Variants in DOCK2 observed in about 807,000 individuals in gnomAD.
The protein encoded by DOCK2 is dedicator of cytokinesis 2, also known as dedicator of cytokinesis protein 2.
A neutral mutation model predicts 248.9 loss-of-function variants in DOCK2; 87 were observed. The observed-to-expected ratio is 0.35, with a 90% CI of 0.29 to 0.42. The LOEUF is 0.42. DOCK2 is among the 10% of genes least tolerant of loss of function. The pLI, the probability that DOCK2 is intolerant of heterozygous loss-of-function variation, is 1.00. For synonymous variants in DOCK2, 805 were observed against 821.6 expected (o/e 0.98, Z 0.35); for missense variants, 1,747 against 2,300.2 (o/e 0.76, Z 4.92).
At chr5:169,869,539 A>C (rs1227030397) in intron 27 of DOCK2, among the ~76,000 whole-genome samples, 1 of 152,130 alleles carries the variant, frequency 6.6e-6, no homozygotes, top group Non-Finnish European at 1.5e-5. Flanking sequence ...GAGGGAGTAT[A>C]TTTTGCTTTG....
At chr5:170,026,288 A>G (rs1043681230) in intron 33 of DOCK2, among the ~76,000 whole-genome samples, 11 of 152,094 alleles carry the variant, frequency 7.2e-5, no homozygotes, top group Admixed American at 7.2e-4. Context: ...CCATTCATCT[A>G]AGACTTTAGA....
chr5:169,693,298 T>C (rs1236684850), intron 9 of DOCK2, among the ~76,000 whole-genome samples: 1 of 151,952 alleles, frequency 6.6e-6, no homozygotes, highest in African/African-American at 2.4e-5. Flanking sequence ...GAAGTGAGCA[T>C]TGTGTGTTTA....
chr5:169,737,359 C>T (rs1055385558), intron 22 of DOCK2, among the ~76,000 whole-genome samples: 4 of 152,116 alleles, frequency 2.6e-5, no homozygotes, highest in South Asian at 4.1e-4. Context: ...TCTTGAAGAA[C>T]CTTGAGTGTC....
rs553847707 is a variant in DOCK2 at position 169,775,914 on chromosome 5, G to T, written c.2554+14289G>T. ...CCTGATATGCTTCCTTGCTAAGGGG[G>T]GCCTTGGACCACACCGAGACCTCTG... is the stretch of plus-strand genomic sequence containing the variant. On this transcript the variant is annotated intron_variant, in intron 25 of 51. Transcript: ENST00000520908. Among the ~76,000 whole-genome samples, 6 of 151,154 alleles carry T rather than the reference G, an allele frequency of 4.0e-5. No homozygotes were observed. In the South Asian group the frequency reaches 1.1e-3, roughly 26 times the overall value.
At chr5:169,878,237 C>A (rs1353057878) in intron 27 of DOCK2, among the ~76,000 whole-genome samples, 1 of 152,170 alleles carries the variant, frequency 6.6e-6, no homozygotes, top group African/African-American at 2.4e-5. Flanking sequence ...TTCCTTAGGG[C>A]ACCATTTCCC....
At position 170,056,759 on chromosome 5, in the gene DOCK2, T is replaced by C. The variant is rs1757145716; in HGVS notation, c.4371T>C (p.Asn1457=). The change falls in exon 43 of 52, where the codon AAT becomes AAC. Residue 1457 remains asparagine (N), a synonymous_variant. Coordinates refer to ENST00000520908, the MANE Select transcript of DOCK2 (RefSeq NM_004946.3). ...PVRRGTVDPE[N]EFASMWIERT... ...GCAGGGGGACCGTAGACCCAGAGAA[T>C]GAGTTTGCTGTGAGTATCTTCCCTA... The C allele has an allele frequency of 5.0e-6, 8 of 1,613,562 alleles. No individual in the cohort carries two copies. Among genetic ancestry groups the C allele is most frequent in the African/African-American group, 1.3e-5 (1 of 74,868 alleles).
At chr5:169,669,050 T>C (rs1271202021) in intron 2 of DOCK2, among the ~76,000 whole-genome samples, 1 of 152,116 alleles carries the variant, frequency 6.6e-6, no homozygotes, top group Admixed American at 6.6e-5. Flanking sequence ...GGGCTCCTGA[T>C]TTTTCAAAAT....
chr5:169,991,620 G>A (rs1331623385), intron 29 of DOCK2, among the ~76,000 whole-genome samples: 8 of 152,356 alleles, frequency 5.3e-5, no homozygotes, highest in East Asian at 1.9e-4. Flanking sequence ...TTTGAGTCAC[G>A]TGTTGGCTCT....
At chr5:169,870,303 C>T (rs150584001) in intron 27 of DOCK2, among the ~76,000 whole-genome samples, 2 of 152,278 alleles carry the variant, frequency 1.3e-5, no homozygotes, top group East Asian at 3.9e-4. Context: ...CGCTGAAAAG[C>T]AGAAAGATGT....
intron 25 of DOCK2, among the ~76,000 whole-genome samples, chr5:169,765,760 G>GA (rs1764746895): frequency 6.6e-6 from 1 of 152,084 alleles, no homozygotes; most frequent in African/African-American, 2.4e-5. Flanking sequence ...CAGAGATTTG[G>GA]AAGCTCTTTC....
chr5:170,037,778 G>A (rs549345788), intron 36 of DOCK2, among the ~76,000 whole-genome samples: 16 of 152,260 alleles, frequency 1.1e-4, no homozygotes, highest in Admixed American at 3.9e-4. Flanking sequence ...GAGCCACTGC[G>A]TCCGGCCACA....
intron 40 of DOCK2, among the ~76,000 whole-genome samples, chr5:170,048,221 G>A (rs1369278265): frequency 1.3e-5 from 2 of 151,976 alleles, no homozygotes; most frequent in Non-Finnish European, 2.9e-5. Flanking sequence ...GTGAAACCCT[G>A]CCTCTACAAA....
chr5:170,024,727 A>G (rs1371211854), intron 33 of DOCK2, among the ~76,000 whole-genome samples: 3 of 152,086 alleles, frequency 2.0e-5, no homozygotes, highest in Non-Finnish European at 4.4e-5. Context: ...TCAAAGCAAG[A>G]CTCAAACCAA....
At chr5:169,913,186 G>T (rs1774702585) in intron 27 of DOCK2, among the ~76,000 whole-genome samples, 1 of 152,214 alleles carries the variant, frequency 6.6e-6, no homozygotes, top group South Asian at 2.1e-4. Flanking sequence ...TGTTCTAGCG[G>T]AGTCGGAATG....
At position 169,869,912 on chromosome 5, in the gene DOCK2, C is replaced by T. The variant is rs368555988; in HGVS notation, c.2799+29060C>T. Among the ~76,000 whole-genome samples, 563 of 152,298 alleles carry T rather than the reference C, an allele frequency of 3.7e-3. 38 individuals carry two copies. In the South Asian group the frequency reaches 0.11, roughly 30 times the overall value. On this transcript the variant is annotated intron_variant, in intron 27 of 51. Coordinates refer to ENST00000520908, the MANE Select transcript of DOCK2 (RefSeq NM_004946.3). ...TTTCACATATGCTGTATATTCCATG[C>T]AGGATCGTAAGAAGGAAGATAGGTG...
chr5:169,751,532 C>T (rs571141828), intron 23 of DOCK2, among the ~76,000 whole-genome samples: 8 of 152,150 alleles, frequency 5.3e-5, no homozygotes, highest in African/African-American at 1.7e-4. Flanking sequence ...AGCTGGGTAG[C>T]GGCTTATGTT....
In DOCK2 at chr5:169,814,110, C is replaced by T. The variant is rs554941535; in HGVS notation, c.2703+10904C>T. Among the ~76,000 whole-genome samples the T allele has an allele frequency of 1.7e-3, 264 of 152,362 alleles. 8 individuals are homozygous for T. In the South Asian group the frequency reaches 0.051, roughly 30 times the overall value. On this transcript the variant is annotated intron_variant, in intron 26 of 51. Coordinates refer to ENST00000520908, the MANE Select transcript of DOCK2 (RefSeq NM_004946.3). ...GGATATTTGCATAATCTCAAAGTGT[C>T]TTCCCAAAGTATCCACTGATTAATG...
chr5:169,674,078 G>A (rs1306574093), intron 5 of DOCK2, among the ~76,000 whole-genome samples: 1 of 152,200 alleles, frequency 6.6e-6, no homozygotes, highest in Non-Finnish European at 1.5e-5. Context: ...AGAAATGATT[G>A]AGATTTTTAT....
At chr5:170,022,566 G>A (rs1212452242) in intron 33 of DOCK2, among the ~76,000 whole-genome samples, 6 of 152,082 alleles carry the variant, frequency 3.9e-5, no homozygotes, top group Admixed American at 3.3e-4. Context: ...TACACCACAT[G>A]ATTCCCTTGG....
Sources: allele counts gnomAD v4.1 joint callset (sites outside exome capture counted in the v4.1 genomes callset), GRCh38; gene constraint gnomAD v4.1.1; transcripts MANE v1.5; gene names NCBI Gene and HGNC (gene_info 2026-07-23, HGNC 2026-07-21).